Variants in HSPA12B observed in about 807,000 individuals in gnomAD.
HSPA12B encodes heat shock 70 kDa protein 12B.
HSPA12B carries 54 observed loss-of-function variants against 69.3 expected under a neutral mutation model. The ratio of observed to expected loss-of-function variants is 0.78; its 90% CI spans 0.63 to 0.98. HSPA12B has a LOEUF of 0.98. Among genes scored for constraint, HSPA12B ranks in the 50% least tolerant of loss-of-function variants. HSPA12B has a pLI of 0.00. For synonymous variants in HSPA12B, 441 were observed against 436.5 expected, an observed-to-expected ratio of 1.01 and a Z score of -0.13; for missense variants, 929 against 999.8, an observed-to-expected ratio of 0.93 and a Z score of 0.96.
intron 3 of HSPA12B, among the ~76,000 whole-genome samples, chr20:3,741,943 G>A (rs1226249192): frequency 6.6e-6 from 1 of 151,952 alleles, no homozygotes; most frequent in Non-Finnish European, 1.5e-5. Context: ...ATTGCTCCCA[G>A]CTGGGCCCAG....
Position 3,745,734 on chromosome 20 carries a change from C to T in HSPA12B, c.558+137C>T, listed in dbSNP as rs2088289063. 2.2e-6 allele frequency: 2 copies of T among 919,404 alleles called. No individual in the cohort carries two copies. Among genetic ancestry groups the T allele is most frequent in the African/African-American group, 3.3e-5 (2 of 61,516 alleles). The allele number at this position is 919,404 out of a possible 1,614,324, so 57.0% of individuals were successfully genotyped here. ...GCTCAGAGGTCATCTTCTCCAGTAC[C>T]CTCCTCCCTTTTTGTCTGGTAGAGC... is the stretch of plus-strand genomic sequence containing the variant. On this transcript the variant is annotated intron_variant, in intron 6 of 12. Transcript: ENST00000254963. This position sits in a 1 kb window ranked among gnomAD's most constrained non-coding sequence, Gnocchi z 5.6.
At position 3,751,272 on chromosome 20, in the gene HSPA12B, G is replaced by C. The variant is rs887852967; in HGVS notation, c.1406-239G>C. 4.1e-6 allele frequency: 4 copies of C among 985,360 alleles called. No homozygotes were observed. The South Asian group carries it at 1.9e-4, about 46-fold the overall frequency. The allele number at this position is 985,360 out of a possible 1,614,324, so 61.0% of individuals were successfully genotyped here. ...TGTAAAATGCATATCCTTATCTCTC[G>C]TCCTCCACGTCGTGGTGGGAGAGAA... On this transcript the variant is annotated intron_variant, in intron 12 of 12. Transcript: ENST00000254963.
Position 3,737,025 on chromosome 20 carries a change from C to T in HSPA12B, c.-17-1633C>T, listed in dbSNP as rs1302788844. On this transcript the variant is annotated intron_variant, in intron 1 of 12. Coordinates refer to ENST00000254963, the MANE Select transcript of HSPA12B (RefSeq NM_052970.5). The surrounding 1 kb of genome is among the most constrained non-coding windows in gnomAD (Gnocchi z 4.1). ...GAACTGAGATCACGCCACTGCACTC[C>T]AGCCTGGGGGACAGAGTGAGACTCT... Among the ~76,000 whole-genome samples the T allele has an allele frequency of 6.6e-6, 1 of 151,888 alleles. No homozygotes were observed. Among genetic ancestry groups the T allele is most frequent in the African/African-American group, 2.4e-5 (1 of 41,322 alleles).
At position 3,745,856 on chromosome 20, in the gene HSPA12B, G is replaced by A; in HGVS notation, c.559-59G>A. The A allele has an allele frequency of 1.4e-6, 2 of 1,431,996 alleles. No homozygotes were observed. The highest frequency in any genetic ancestry group is 1.4e-5 in the African/African-American group (1 of 71,292). 88.7% of individuals were successfully genotyped at this position (1,431,996 alleles called of 1,614,324 possible). ...GATTAGTACCTCCAGTTCCGCAGAG[G>A]GCTGAAGACCACCCTCCCTCCAAGC... is the stretch of plus-strand genomic sequence containing the variant. On this transcript the variant is annotated intron_variant, in intron 6 of 12. Transcript: ENST00000254963. This position sits in a 1 kb window ranked among gnomAD's most constrained non-coding sequence, Gnocchi z 5.6.
In HSPA12B at chr20:3,740,690, C is replaced by T. The variant is rs1600312790; in HGVS notation, c.44-125C>T. On this transcript the variant is annotated intron_variant, in intron 2 of 12. Coordinates refer to ENST00000254963, the MANE Select transcript of HSPA12B (RefSeq NM_052970.5). The surrounding 1 kb of genome is among the most constrained non-coding windows in gnomAD (Gnocchi z 4.9). ...TCCTACACCCCGCAGTCCTCCTCCC[C>T]AGCAGAGAGCCCTTTGCCTTAGCCC... 1 of 741,166 alleles carries T rather than the reference C, an allele frequency of 1.3e-6. No individual in the cohort carries two copies. The highest frequency in any genetic ancestry group is 2.7e-5 in the East Asian group (1 of 37,176). 45.9% of individuals were successfully genotyped at this position (741,166 alleles called of 1,614,324 possible).
At chr20:3,751,120 C>T (rs947192531) in intron 12 of HSPA12B, 3 of 622,182 alleles carry the variant, frequency 4.8e-6, no homozygotes, top group Non-Finnish European at 6.0e-6. Flanking sequence ...TCTGGTGCCT[C>T]AGTTTCCCCA....
In HSPA12B at chr20:3,744,856, C is replaced by G; in HGVS notation, c.267-46C>G. ...CATGCTGTTCCCTCTGCCTGGATTC[C>G]CACCCAAGAAGGGAGGGTTGCACTG... On this transcript the variant is annotated intron_variant, in intron 4 of 12. Coordinates refer to ENST00000254963, the MANE Select transcript of HSPA12B (RefSeq NM_052970.5). The surrounding 1 kb of genome is among the most constrained non-coding windows in gnomAD (Gnocchi z 4.9). 2.5e-6 allele frequency: 4 copies of G among 1,576,454 alleles called. No homozygotes were observed. The highest frequency in any genetic ancestry group is 3.5e-6 in the Non-Finnish European group (4 of 1,157,918).
rs2088384707 is a variant in HSPA12B, at chr20:3,750,050, C to A, written c.1124C>A (p.Thr375Asn). Residue 375 changes from threonine (T) to asparagine (N), a missense_variant, in exon 11 of 13, where the codon ACC (threonine) becomes AAC (asparagine). Coordinates refer to ENST00000254963, the MANE Select transcript of HSPA12B (RefSeq NM_052970.5). Reference sequence around the variant, plus strand: ...ATCTTCGGCGAGGACTTCATCGCCACCTTCAAAAGGCAACGGCCGGCAGCC... The same window carrying A: ...ATCTTCGGCGAGGACTTCATCGCCAACTTCAAAAGGCAACGGCCGGCAGCC... ...CRIFGEDFIA[T>N]FKRQRPAAWV... The A allele has an allele frequency of 6.2e-7, 1 of 1,609,582 alleles. No individual in the cohort carries two copies. The highest frequency in any genetic ancestry group is 1.3e-5 in the African/African-American group (1 of 74,992).
In HSPA12B at chr20:3,738,722, G is replaced by C; in HGVS notation, c.43+5G>C. 1.2e-6 allele frequency: 2 copies of C among 1,614,134 alleles called. No individual in the cohort carries two copies. Among genetic ancestry groups the C allele is most frequent in the South Asian group, 1.1e-5 (1 of 91,074 alleles). The stretch of plus-strand genomic sequence containing the variant: ...GCCTGCAGGGGCTGTACATCGGTAA[G>C]AACCCCCACCATTCTGCCCTGACCC... On this transcript the variant is annotated splice_donor_5th_base_variant and intron_variant, in intron 2 of 12. Transcript: ENST00000254963.
chr20:3,733,888 T>C (rs2088068770), intron 1 of HSPA12B, among the ~76,000 whole-genome samples: 1 of 152,210 alleles, frequency 6.6e-6, no homozygotes, highest in South Asian at 2.1e-4. Flanking sequence ...GCTCTTTGTC[T>C]ACACAGGCAT....
Position 3,740,894 on chromosome 20 carries a change from C to T in HSPA12B, c.123C>T (p.Leu41=), listed in dbSNP as rs563976848. ...RTQESCGIAP[L]TPSQSPKPEV... is the part of the protein sequence containing the mutation. ...AGGAAAGCTGCGGCATTGCCCCCCT[C>T]ACACCCTCGCAGTCTCCAGTAAGCC... is the stretch of plus-strand genomic sequence containing the variant. Residue 41 remains leucine (L), a synonymous_variant, in exon 3 of 13, where the codon CTC becomes CTT. Transcript: ENST00000254963. This position sits in a 1 kb window ranked among gnomAD's most constrained non-coding sequence, Gnocchi z 4.9. The T allele has an allele frequency of 4.3e-5, 69 of 1,613,160 alleles. 1 individual carries two copies. In the South Asian group the frequency reaches 7.4e-4, roughly 17 times the overall value.
rs143974404 is a variant in HSPA12B, at chr20:3,749,263, C to T, written c.882C>T (p.Ser294=). 301 of 1,613,726 alleles carry T rather than the reference C, an allele frequency of 1.9e-4. 1 individual carries two copies. The highest frequency in any genetic ancestry group is 2.4e-4 in the Non-Finnish European group (278 of 1,179,886). ...AGCAGCTGCGAAGGTCCCGCCACAG[C>T]CGCACGTTCCTGGTGGAGTCAGGCG... ...AREQLRRSRH[S]RTFLVESGVG... The change falls in exon 9 of 13, where the codon AGC becomes AGT. Residue 294 remains serine, a synonymous_variant. Transcript: ENST00000254963. The surrounding 1 kb of genome is among the most constrained non-coding windows in gnomAD (Gnocchi z 5.5).
In HSPA12B at chr20:3,752,192, C is replaced by T. The variant is rs927877505; in HGVS notation, c.*26C>T. On this transcript the variant is annotated 3_prime_UTR_variant, in exon 13 of 13. Coordinates refer to ENST00000254963, the MANE Select transcript of HSPA12B (RefSeq NM_052970.5). ...GGGCGCGCCGGCGCGGTGCCAGCGC[C>T]GTCTGCCCGGCCCCGCCCTCTTTCG... is the stretch of plus-strand genomic sequence containing the variant. 9 of 1,451,232 alleles carry T rather than the reference C, an allele frequency of 6.2e-6. No individual in the cohort carries two copies. In the Admixed American group the frequency reaches 1.8e-4, roughly 29 times the overall value. 89.9% of individuals were successfully genotyped at this position (1,451,232 alleles called of 1,614,324 possible).
rs2088192161 is a variant in HSPA12B, at chr20:3,741,029, A to G, written c.141+117A>G. 9.2e-6 allele frequency: 7 copies of G among 762,674 alleles called. No individual in the cohort carries two copies. In the African/African-American group the frequency reaches 1.1e-4, roughly 12 times the overall value. The allele number at this position is 762,674 out of a possible 1,614,324, so 47.2% of individuals were successfully genotyped here. ...AGGAGGAGGGGATGGGGGTAGCACC[A>G]TGCCTCTTGTCCCCGTACACTCCAG... is the stretch of plus-strand genomic sequence containing the variant. On this transcript the variant is annotated intron_variant, in intron 3 of 12. Transcript: ENST00000254963.
intron 7 of HSPA12B, among the ~76,000 whole-genome samples, chr20:3,746,720 C>T (rs1043558570): frequency 6.6e-6 from 1 of 152,146 alleles, no homozygotes; most frequent in African/African-American, 2.4e-5. Context: ...GGAGTCTAGC[C>T]TCAGGTTTAG....
In HSPA12B at chr20:3,750,598, C is replaced by G. The variant is rs1202306280; in HGVS notation, c.1302-206C>G. 3 of 914,370 alleles carry G rather than the reference C, an allele frequency of 3.3e-6. No homozygotes were observed. The African/African-American group carries it at 5.4e-5, about 16-fold the overall frequency. 56.6% of individuals were successfully genotyped at this position (914,370 alleles called of 1,614,324 possible). ...AGGACCTCGTACCTGGAACCTGGAG[C>G]AGGCTGGCAACTAAATCCTCTGAGT... On this transcript the variant is annotated intron_variant, in intron 11 of 12. Transcript: ENST00000254963.
At position 3,748,327 on chromosome 20, in the gene HSPA12B, T is replaced by C; in HGVS notation, c.786T>C (p.Ser262=). 7.4e-6 allele frequency: 12 copies of C among 1,610,840 alleles called. No individual in the cohort carries two copies. Among genetic ancestry groups the C allele is most frequent in the Non-Finnish European group, 1.0e-5 (12 of 1,178,638 alleles). ...GCCTGCACCAGCTCCTGGACCTGAGTGGCCGGGCCCCAGGTGGTGGGCGCC... is the reference window on the plus strand; with the variant it reads ...GCCTGCACCAGCTCCTGGACCTGAGCGGCCGGGCCCCAGGTGGTGGGCGCC... ...KLRLHQLLDL[S]GRAPGGGRLG... is the part of the protein sequence containing the mutation. The change falls in exon 8 of 13, where the codon AGT becomes AGC. Residue 262 remains serine (S), a synonymous_variant. Transcript: ENST00000254963.
chr20:3,734,968 G>GCT (rs768401990), intron 1 of HSPA12B, among the ~76,000 whole-genome samples: 1 of 151,758 alleles, frequency 6.6e-6, no homozygotes, highest in Non-Finnish European at 1.5e-5. Flanking sequence ...GAACTCCTGA[G>GCT]CTCAAGCAAT....
At chr20:3,733,328 G>A (rs1413503729) in intron 1 of HSPA12B, among the ~76,000 whole-genome samples, 1 of 152,140 alleles carries the variant, frequency 6.6e-6, no homozygotes, top group Non-Finnish European at 1.5e-5. Flanking sequence ...TAGGGCAGTG[G>A]AGCCTATCTG....
Sources: gnomAD v4.1 joint callset for allele counts (sites outside exome capture counted in the v4.1 genomes callset) on GRCh38, gnomAD v4.1.1 for gene constraint, Gnocchi (gnomAD v3.1) non-coding constraint, MANE v1.5 for transcripts, NCBI Gene and HGNC (gene_info 2026-07-23, HGNC 2026-07-21) for gene names.